Variants in ACYP2 observed in about 807,000 individuals in gnomAD.
ACYP2 encodes the protein acylphosphatase-2.
ACYP2 carries 12 observed loss-of-function variants against 11.2 expected under a neutral mutation model. The observed-to-expected ratio is 1.08, with a 90% CI of 0.69 to 1.74. The LOEUF is 1.74. Among genes scored for constraint, ACYP2 ranks in the 40% most tolerant of loss-of-function variants. The pLI, the probability that ACYP2 is intolerant of heterozygous loss-of-function variation, is 0.00. For synonymous variants in ACYP2, 43 were observed against 32.2 expected (o/e 1.33, Z -1.13); for missense variants, 134 against 101.9 (o/e 1.31, Z -1.35).
At chr2:54,127,821 A>G (rs1250049304) in intron 4 of ACYP2, among the ~76,000 whole-genome samples, 1 of 151,980 alleles carries the variant, frequency 6.6e-6, no homozygotes, top group East Asian at 1.9e-4. Context: ...GACAAATGAC[A>G]CATTTTTAAA....
Position 54,115,613 on chromosome 2 carries a change from C to T in ACYP2, c.278-19840C>T, listed in dbSNP as rs1679709025. On this transcript the variant is annotated intron_variant, in intron 4 of 6. Coordinates refer to ENST00000607452, the MANE Select transcript of ACYP2 (RefSeq NM_001320586.2). ...CAGGCGCGGGGTGCGCCAAGCAGTCCCATGTGTCCCCTCCCTCTCGCAGCC... is the reference window on the plus strand; with the variant it reads ...CAGGCGCGGGGTGCGCCAAGCAGTCTCATGTGTCCCCTCCCTCTCGCAGCC... The T allele has an allele frequency of 6.4e-7, 1 of 1,558,860 alleles. No homozygotes were observed.
chr2:54,267,465 G>C, intron 6 of ACYP2: 1 of 1,085,476 alleles, frequency 9.2e-7, no homozygotes, highest in Non-Finnish European at 1.3e-6. Context: ...GGGGAAGAGT[G>C]GTCCTAAAGC....
chr2:54,194,049 T>C (rs1235505104), intron 6 of ACYP2, among the ~76,000 whole-genome samples: 1 of 152,116 alleles, frequency 6.6e-6, no homozygotes, highest in Non-Finnish European at 1.5e-5. Flanking sequence ...TTTCTTTTTT[T>C]TCTTTTTGAG....
chr2:54,165,324 C>G (rs7589516), intron 6 of ACYP2, among the ~76,000 whole-genome samples: 337 of 152,250 alleles, frequency 2.2e-3, no homozygotes, highest in African/African-American at 7.4e-3. Context: ...TTCCTGCAAT[C>G]ATGAATATGT....
intron 6 of ACYP2, among the ~76,000 whole-genome samples, chr2:54,278,817 A>ATT (rs950114678): frequency 6.6e-6 from 1 of 152,166 alleles, no homozygotes; most frequent in Non-Finnish European, 1.5e-5. Flanking sequence ...AAATAATTTT[A>ATT]TTTTTTGAAA....
intron 4 of ACYP2, among the ~76,000 whole-genome samples, chr2:54,114,672 G>A (rs760580014): frequency 1.3e-5 from 2 of 152,142 alleles, no homozygotes; most frequent in African/African-American, 2.4e-5. Context: ...AGACAAGAGC[G>A]AAACTCCGTC....
intron 6 of ACYP2, among the ~76,000 whole-genome samples, chr2:54,300,444 G>A (rs1329979729): frequency 6.6e-6 from 1 of 152,144 alleles, no homozygotes; most frequent in Non-Finnish European, 1.5e-5. Flanking sequence ...ATTCTTCCCT[G>A]GGCAGCTCTC....
chr2:54,129,754 C>G (rs543089693), intron 4 of ACYP2, among the ~76,000 whole-genome samples: 1 of 149,392 alleles, frequency 6.7e-6, no homozygotes, highest in Non-Finnish European at 1.5e-5. Flanking sequence ...CTTTCCAGAA[C>G]TTTGAATGCA....
chr2:54,195,012 T>TC (rs1684401070), intron 6 of ACYP2, among the ~76,000 whole-genome samples: 1 of 152,154 alleles, frequency 6.6e-6, no homozygotes, highest in Non-Finnish European at 1.5e-5. Flanking sequence ...TTTTGGTACC[T>TC]CCCCAAACTA....
chr2:54,267,479 C>A, intron 6 of ACYP2: 1 of 878,596 alleles, frequency 1.1e-6, no homozygotes, highest in Non-Finnish European at 1.6e-6. Flanking sequence ...CTAAAGCCTC[C>A]CTAGATGAAT....
intron 6 of ACYP2, among the ~76,000 whole-genome samples, chr2:54,285,307 G>A (rs1209735413): frequency 1.3e-5 from 2 of 152,138 alleles, no homozygotes; most frequent in South Asian, 2.1e-4. Flanking sequence ...AGGATACCAC[G>A]GTCTCCTGGC....
At chr2:54,135,879 C>T (rs961853971) in intron 5 of ACYP2, among the ~76,000 whole-genome samples, 12 of 152,118 alleles carry the variant, frequency 7.9e-5, no homozygotes, top group East Asian at 5.8e-4. Flanking sequence ...GCAGATTAAG[C>T]GCCACGTCGT....
At chr2:54,013,729 GA>G (rs377271771) in intron 2 of ACYP2, among the ~76,000 whole-genome samples, 25,263 of 101,296 alleles carry the variant, frequency 0.25, 2,381 homozygotes, top group African/African-American at 0.35. Flanking sequence ...AGAGAAAAAA[GA>G]AAAAAAAAAA....
chr2:54,232,602 T>C (rs1397741481), intron 6 of ACYP2, among the ~76,000 whole-genome samples: 1 of 152,158 alleles, frequency 6.6e-6, no homozygotes, highest in Admixed American at 6.5e-5. Context: ...ATTTTCACAC[T>C]GTTATAAAGA....
At chr2:54,076,819 T>C (rs1262228267) in intron 4 of ACYP2, among the ~76,000 whole-genome samples, 2 of 152,140 alleles carry the variant, frequency 1.3e-5, no homozygotes, top group Non-Finnish European at 2.9e-5. Flanking sequence ...TTGCACAGTG[T>C]GTGAAAAAGA....
At chr2:54,029,127 T>G (rs1331200580) in intron 2 of ACYP2, among the ~76,000 whole-genome samples, 1 of 152,038 alleles carries the variant, frequency 6.6e-6, no homozygotes, top group Non-Finnish European at 1.5e-5. Context: ...ATGACACCAC[T>G]GTACTCTAGC....
At chr2:54,245,363 A>C (rs1023957879) in intron 6 of ACYP2, among the ~76,000 whole-genome samples, 1 of 152,168 alleles carries the variant, frequency 6.6e-6, no homozygotes, top group East Asian at 1.9e-4. Flanking sequence ...ATACCTCTTC[A>C]ATGTACTGAT....
At chr2:54,084,845 G>A (rs112350145) in intron 4 of ACYP2, 6 of 152,160 alleles carry the variant, frequency 3.9e-5, no homozygotes, top group Non-Finnish European at 5.9e-5. Context: ...AGCAAGAAAA[G>A]ATCTGATGCT....
At chr2:54,054,361 C>T (rs1676013332) in intron 3 of ACYP2, among the ~76,000 whole-genome samples, 1 of 152,204 alleles carries the variant, frequency 6.6e-6, no homozygotes, top group African/African-American at 2.4e-5. Context: ...GCTTCTTTCT[C>T]TTTCTTGCCA....
Sources: gnomAD v4.1 joint callset for allele counts (sites outside exome capture counted in the v4.1 genomes callset) on GRCh38, gnomAD v4.1.1 for gene constraint, MANE v1.5 for transcripts, NCBI Gene and HGNC (gene_info 2026-07-23, HGNC 2026-07-21) for gene names.